PLCG2: variants seen among roughly 807,000 people sequenced by gnomAD.
The protein encoded by PLCG2 is phospholipase C gamma 2.
In PLCG2, 69 loss-of-function variants were observed where a neutral mutation model predicts 175.6. That is an observed-to-expected ratio of 0.39 (90% confidence interval 0.32 to 0.48). PLCG2 has a LOEUF of 0.48. Ranked by LOEUF, PLCG2 falls within the 20% of genes least tolerant of loss-of-function variation. The pLI is 0.91. For missense variants in PLCG2, 1,798 were observed against 1,650.9 expected, an observed-to-expected ratio of 1.09 and a Z score of -1.54; for synonymous variants, 827 against 624.0, an observed-to-expected ratio of 1.33 and a Z score of -4.85.
chr16:81,822,597 A>G (rs555688393), intron 2 of PLCG2, among the ~76,000 whole-genome samples: 2 of 152,054 alleles, frequency 1.3e-5, no homozygotes, highest in South Asian at 2.1e-4. Flanking sequence ...TCTCCACTAA[A>G]AGTGCAAAAA....
chr16:81,905,272 A>G, intron 14 of PLCG2, 131 bp from the exon 15 acceptor site: 1 of 668,066 alleles, frequency 1.5e-6, no homozygotes, highest in South Asian at 1.8e-5. Context: ...GAACAGACTA[A>G]GAGGGAAGCC....
At chr16:81,785,834 C>G (rs574417818) in intron 1 of PLCG2, 109 bp from the exon 2 acceptor site, 2 of 671,370 alleles carry the variant, frequency 3.0e-6, no homozygotes, top group African/African-American at 1.8e-5. Context: ...TCTCCTAAAA[C>G]TCATCCTGAT....
chr16:81,886,575 A>G (rs1282777982), intron 9 of PLCG2, among the ~76,000 whole-genome samples: 2 of 152,174 alleles, frequency 1.3e-5, no homozygotes, highest in Admixed American at 1.3e-4. Context: ...ATTTCTTTAG[A>G]GGATTGGTTA....
upstream of PLCG2, among the ~76,000 whole-genome samples, chr16:81,778,069 A>G (rs1597311979): frequency 1.9e-5 from 1 of 53,528 alleles, no homozygotes; most frequent in Non-Finnish European, 3.6e-5. Flanking sequence ...AAAAACCAAA[A>G]ACACACACAC....
At chr16:81,848,443 T>C (rs1184361178) in intron 2 of PLCG2, among the ~76,000 whole-genome samples, 2 of 152,162 alleles carry the variant, frequency 1.3e-5, no homozygotes, top group Non-Finnish European at 2.9e-5. Flanking sequence ...AGAATGGCTG[T>C]TAGAATTTCA....
At chr16:81,873,335 T>C (rs1216222498) in intron 7 of PLCG2, among the ~76,000 whole-genome samples, 5 of 152,200 alleles carry the variant, frequency 3.3e-5, no homozygotes, top group African/African-American at 1.2e-4. Flanking sequence ...AAAACCATGA[T>C]TCATAAAAGC....
At chr16:81,857,389 A>C (rs137996063) in intron 3 of PLCG2, among the ~76,000 whole-genome samples, 104 of 152,298 alleles carry the variant, frequency 6.8e-4, no homozygotes, top group African/African-American at 2.4e-3. Context: ...ATTCTTGTTT[A>C]AAATCCTGTA....
rs1301737456 is a variant in PLCG2 at position 81,961,557 on chromosome 16, G to C, written c.*3559G>C. The stretch of plus-strand genomic sequence containing the variant: ...TAACATAAAAATCAAAAATTTATTA[G>C]GCTAAAATTTTGAGGGAGAAGTGGT... On this transcript the variant is annotated 3_prime_UTR_variant, in exon 33 of 33. Transcript: ENST00000564138. 1 of 217,222 alleles carries C rather than the reference G, an allele frequency of 4.6e-6. No individual in the cohort carries two copies. The highest frequency in any genetic ancestry group is 2.2e-5 in the African/African-American group (1 of 44,454). The allele number at this position is 217,222 out of a possible 1,614,324, so 13.5% of individuals were successfully genotyped here.
intron 1 of PLCG2, among the ~76,000 whole-genome samples, chr16:81,740,793 C>T (rs930238842): frequency 6.8e-6 from 1 of 146,450 alleles, no homozygotes; most frequent in African/African-American, 2.5e-5. Context: ...CCAAAGCTTC[C>T]TCTTCCCACT....
At chr16:81,875,866 A>C (rs1309372110) in intron 7 of PLCG2, among the ~76,000 whole-genome samples, 1 of 152,146 alleles carries the variant, frequency 6.6e-6, no homozygotes, top group Non-Finnish European at 1.5e-5. Context: ...GGGTGTGAGC[A>C]TGGGGGAAGT....
At position 81,958,427 on chromosome 16, in the gene PLCG2, G is replaced by A. The variant is rs1381490650; in HGVS notation, c.*429G>A. 1.7e-5 allele frequency: 4 copies of A among 241,984 alleles called. No individual in the cohort carries two copies. The highest frequency in any genetic ancestry group is 3.2e-5 in the Non-Finnish European group (4 of 123,920). 15.0% of individuals were successfully genotyped at this position (241,984 alleles called of 1,614,324 possible). A position where few individuals can be genotyped will look rare whatever the true frequency, so the allele number is the denominator to read the frequency against. ...GCTGGAAATGTAAGAAACTATTCAT[G>A]AGATTCTGAAAAGGATTTTAACTCA... On this transcript the variant is annotated 3_prime_UTR_variant, in exon 33 of 33. Coordinates refer to ENST00000564138, the MANE Select transcript of PLCG2 (RefSeq NM_002661.5).
chr16:81,794,444 C>G (rs1597322460), intron 2 of PLCG2, among the ~76,000 whole-genome samples: 1 of 152,136 alleles, frequency 6.6e-6, no homozygotes, highest in East Asian at 1.9e-4. Flanking sequence ...AGCGTCTCAT[C>G]AGAAATAAGA....
At chr16:81,919,991 T>C (rs923407172) in intron 20 of PLCG2, among the ~76,000 whole-genome samples, 6 of 152,144 alleles carry the variant, frequency 3.9e-5, no homozygotes, top group Admixed American at 2.6e-4. Flanking sequence ...TCTAGGAAGA[T>C]CTCACTGAAA....
intron 31 of PLCG2, among the ~76,000 whole-genome samples, chr16:81,950,708 A>C (rs568424495): frequency 1.3e-5 from 2 of 152,338 alleles, no homozygotes; most frequent in South Asian, 4.1e-4. Flanking sequence ...AAGATGGCAA[A>C]ATTGCTCACA....
At chr16:81,759,220 A>C (rs1323790335) in intron 2 of PLCG2, among the ~76,000 whole-genome samples, 1 of 152,124 alleles carries the variant, frequency 6.6e-6, no homozygotes, top group African/African-American at 2.4e-5. Flanking sequence ...CATGATTTGC[A>C]AATATTCTTT....
intron 23 of PLCG2, among the ~76,000 whole-genome samples, chr16:81,927,872 A>G (rs556823855): frequency 6.6e-6 from 1 of 152,224 alleles, no homozygotes; most frequent in South Asian, 2.1e-4. Context: ...TGGCAGTGGG[A>G]ATGTGGTTGT....
At chr16:81,788,778 C>T (rs1441470235) in intron 2 of PLCG2, among the ~76,000 whole-genome samples, 4 of 152,214 alleles carry the variant, frequency 2.6e-5, no homozygotes, top group Non-Finnish European at 4.4e-5. Context: ...AGCCAGAGCC[C>T]TGCTTTGGAA....
intron 31 of PLCG2, among the ~76,000 whole-genome samples, chr16:81,948,950 C>A (rs990211844): frequency 2.0e-5 from 3 of 152,144 alleles, no homozygotes; most frequent in Admixed American, 2.0e-4. Flanking sequence ...TAACACATAA[C>A]TCATAGGATC....
intron 2 of PLCG2, among the ~76,000 whole-genome samples, chr16:81,826,826 T>G (rs1173724130): frequency 6.6e-6 from 1 of 152,260 alleles, no homozygotes; most frequent in Non-Finnish European, 1.5e-5. Flanking sequence ...AGTATGACTC[T>G]CAAGGCTGCC....
Sources: gnomAD v4.1 joint callset for allele counts (sites outside exome capture counted in the v4.1 genomes callset) on GRCh38, gnomAD v4.1.1 for gene constraint, MANE v1.5 for transcripts, NCBI Gene and HGNC (gene_info 2026-07-23, HGNC 2026-07-21) for gene names.